COL5A1: variants seen among roughly 807,000 people sequenced by gnomAD.
The protein encoded by COL5A1 is collagen type V alpha 1 chain.
In COL5A1, 16 loss-of-function variants were observed where a neutral mutation model predicts 263.7. The ratio of observed to expected loss-of-function variants is 0.06; its 90% CI spans 0.04 to 0.09. COL5A1 has a LOEUF of 0.09. Ranked by LOEUF, COL5A1 falls within the 10% of genes least tolerant of loss-of-function variation. The pLI, the probability that COL5A1 is intolerant of heterozygous loss-of-function variation, is 1.00. For synonymous variants in COL5A1, 1,012 were observed against 1,004.5 expected (o/e 1.01, Z -0.14); for missense variants, 2,036 against 2,540.5 (o/e 0.80, Z 4.27).
chr9:134,653,915 G>A (rs1467043844), intron 1 of COL5A1, among the ~76,000 whole-genome samples: 3 of 150,782 alleles, frequency 2.0e-5, no homozygotes, highest in South Asian at 2.1e-4. Context: ...GTAGGGCTGG[G>A]GGTGTGTAGG....
At position 134,652,627 on chromosome 9, in the gene COL5A1, C is replaced by T. The variant is rs1588403131; in HGVS notation, c.109+10331C>T. 1 of 468,112 alleles carries T rather than the reference C, an allele frequency of 2.1e-6. No homozygotes were observed. Among genetic ancestry groups the T allele is most frequent in the East Asian group, 7.0e-5 (1 of 14,316 alleles). The allele number at this position is 468,112 out of a possible 1,614,324, so 29.0% of individuals were successfully genotyped here. A position where few individuals can be genotyped will look rare whatever the true frequency, so the allele number is the denominator to read the frequency against. ...GCACCCCACAGTGCACGGGACAGCC[C>T]CCACCAAAAAGACTGACCCAGCCCG... On this transcript the variant is annotated intron_variant, in intron 1 of 65. Coordinates refer to ENST00000371817, the MANE Select transcript of COL5A1 (RefSeq NM_000093.5). This position sits in a 1 kb window ranked among gnomAD's most constrained non-coding sequence, Gnocchi z 4.4.
chr9:134,731,037 G>A (rs1834860326), intron 7 of COL5A1, among the ~76,000 whole-genome samples: 1 of 152,230 alleles, frequency 6.6e-6, no homozygotes, highest in African/African-American at 2.4e-5. Context: ...CTGTCTCTGG[G>A]GGCTGTGAAG....
At chr9:134,744,698 C>G (rs1461272260) in intron 11 of COL5A1, among the ~76,000 whole-genome samples, 3 of 151,462 alleles carry the variant, frequency 2.0e-5, no homozygotes, top group Admixed American at 2.0e-4. Flanking sequence ...CATGCACACA[C>G]CCATACATGC....
intron 1 of COL5A1, among the ~76,000 whole-genome samples, chr9:134,683,837 G>C (rs528215089): frequency 6.6e-6 from 1 of 152,206 alleles, no homozygotes; most frequent in African/African-American, 2.4e-5. Flanking sequence ...CTGGCTGATT[G>C]TCTTTTGTTC....
In COL5A1 at chr9:134,728,628, C is replaced by T. The variant is rs3124302; in HGVS notation, c.787-42C>T. On this transcript the variant is annotated intron_variant, in intron 5 of 65. Coordinates refer to ENST00000371817, the MANE Select transcript of COL5A1 (RefSeq NM_000093.5). ...GAAGGACAGCAGGCTGGTCGCTCTG[C>T]GGGCTCCGCTGCTTCCTCACGGGGC... 715,576 of 1,611,774 alleles carry T rather than the reference C, an allele frequency of 0.44. 163,584 individuals are homozygous for T. Among genetic ancestry groups the T allele is most frequent in the Admixed American group, 0.66 (39,833 of 60,016 alleles).
At chr9:134,654,326 GGT>G (rs1564367535) in intron 1 of COL5A1, among the ~76,000 whole-genome samples, 3 of 136,386 alleles carry the variant, frequency 2.2e-5, no homozygotes, top group East Asian at 2.4e-4. Context: ...GTAGGGCTGG[GGT>G]GTGTGTAGGG....
intron 27 of COL5A1, among the ~76,000 whole-genome samples, chr9:134,775,687 C>T (rs1029504484): frequency 1.3e-5 from 2 of 152,166 alleles, no homozygotes; most frequent in African/African-American, 2.4e-5. Context: ...TGGGGACTTG[C>T]GGTATCTTAA....
chr9:134,788,046 T>C (rs1361169011), intron 31 of COL5A1, among the ~76,000 whole-genome samples: 1 of 151,548 alleles, frequency 6.6e-6, no homozygotes, highest in Non-Finnish European at 1.5e-5. Context: ...GGTATGTGGG[T>C]GTGTAGGCAG....
rs1836010196 is a variant in COL5A1 at position 134,757,188 on chromosome 9, G to A, written c.1881+370G>A. ...TCCAGTCGGGACTCCTGGGTGTTGT[G>A]GAGGTGAGTAGATGTTGCCCGTGGC... is the stretch of plus-strand genomic sequence containing the variant. On this transcript the variant is annotated intron_variant, in intron 17 of 65. Transcript: ENST00000371817. This position sits in a 1 kb window ranked among gnomAD's most constrained non-coding sequence, Gnocchi z 6.2. Among the ~76,000 whole-genome samples, 1 of 152,058 alleles carries A rather than the reference G, an allele frequency of 6.6e-6. No individual in the cohort carries two copies. The highest frequency in any genetic ancestry group is 2.4e-5 in the African/African-American group (1 of 41,424).
At chr9:134,711,036 G>T (rs1310704001) in intron 4 of COL5A1, among the ~76,000 whole-genome samples, 2 of 152,000 alleles carry the variant, frequency 1.3e-5, no homozygotes, top group Non-Finnish European at 2.9e-5. Flanking sequence ...GTGCAGTGGT[G>T]GGGGAGGGGA....
At position 134,835,215 on chromosome 9, in the gene COL5A1, C is replaced by A; in HGVS notation, c.5370+11C>A. On this transcript the variant is annotated intron_variant, in intron 65 of 65. Transcript: ENST00000371817. ...GTGGACGGCTGTGCTGTGAGTATCC[C>A]GCGCCGCGCCCAGCACCCCTGCTCA... 6.2e-7 allele frequency: 1 copy of A among 1,609,516 alleles called. No individual in the cohort carries two copies. Among genetic ancestry groups the A allele is most frequent in the South Asian group, 1.1e-5 (1 of 90,906 alleles).
At chr9:134,668,281 C>A (rs527338809) in intron 1 of COL5A1, among the ~76,000 whole-genome samples, 1 of 152,074 alleles carries the variant, frequency 6.6e-6, no homozygotes, top group Non-Finnish European at 1.5e-5. Context: ...GCTTAAGGAG[C>A]CCTTTCAGAG....
intron 4 of COL5A1, among the ~76,000 whole-genome samples, chr9:134,702,494 G>A (rs886119873): frequency 2.6e-5 from 4 of 152,092 alleles, no homozygotes; most frequent in South Asian, 2.1e-4. Context: ...TCGGTGACTC[G>A]GGGTCACCAA....
At chr9:134,693,296 CTG>C (rs1456281875) in intron 2 of COL5A1, among the ~76,000 whole-genome samples, 1 of 152,120 alleles carries the variant, frequency 6.6e-6, no homozygotes, top group African/African-American at 2.4e-5. Flanking sequence ...GCACTCCAGC[CTG>C]GGCAACGGAG....
rs1835333601 is a variant in COL5A1 at position 134,742,300 on chromosome 9, C to T, written c.1494+3492C>T. On this transcript the variant is annotated intron_variant, in intron 11 of 65. Transcript: ENST00000371817. This position sits in a 1 kb window ranked among gnomAD's most constrained non-coding sequence, Gnocchi z 4.6. ...GAAGTGGGGCCTGCCTTAAGAAACT[C>T]ACCGTCCAGTGAGGAAGAAAAGGCA... 6.6e-6 allele frequency among the ~76,000 whole-genome samples: 1 copy of T among 151,420 alleles called. No individual in the cohort carries two copies. The highest frequency in any genetic ancestry group is 1.5e-5 in the Non-Finnish European group (1 of 67,846).
rs112278047 is a variant in COL5A1 at position 134,825,673 on chromosome 9, C to T, written c.4955-119C>T. The stretch of plus-strand genomic sequence containing the variant: ...TAAACCCCAGAAAGGCCCGTGTTGG[C>T]GGCATTCCTGGGGCGTGCATTTTAA... On this transcript the variant is annotated intron_variant, in intron 62 of 65. Transcript: ENST00000371817. 3,600 of 681,316 alleles carry T rather than the reference C, an allele frequency of 5.3e-3. 82 individuals are homozygous for T. The African/African-American group carries it at 0.054, about 10-fold the overall frequency. 42.2% of individuals were successfully genotyped at this position (681,316 alleles called of 1,614,324 possible).
chr9:134,739,936 GGGA>G (rs1835241863), intron 11 of COL5A1, among the ~76,000 whole-genome samples: 1 of 152,182 alleles, frequency 6.6e-6, no homozygotes, highest in South Asian at 2.1e-4. Context: ...TCAGCTATGC[GGGA>G]GGAGGTTGTT....
At chr9:134,727,431 T>G (rs777827382) in intron 5 of COL5A1, 34 bp downstream of exon 5, 1 of 1,613,214 alleles carries the variant, frequency 6.2e-7, no homozygotes, top group Non-Finnish European at 8.5e-7. Flanking sequence ...TTGGGGAGCA[T>G]GAGCAGACTA....
intron 32 of COL5A1, among the ~76,000 whole-genome samples, chr9:134,791,236 A>G (rs1319282883): frequency 6.6e-6 from 1 of 152,180 alleles, no homozygotes; most frequent in East Asian, 1.9e-4. Context: ...CATTTCGTTC[A>G]CTGCTGCACC....
Sources: gnomAD v4.1 joint callset for allele counts (sites outside exome capture counted in the v4.1 genomes callset) on GRCh38, gnomAD v4.1.1 for gene constraint, Gnocchi (gnomAD v3.1) non-coding constraint, MANE v1.5 for transcripts, NCBI Gene and HGNC (gene_info 2026-07-23, HGNC 2026-07-21) for gene names.